WDFY4: variants seen among roughly 807,000 people sequenced by gnomAD.
WDFY4 encodes WDFY family member 4, also known as WD repeat- and FYVE domain-containing protein 4.
In WDFY4, 169 loss-of-function variants were observed where a neutral mutation model predicts 351.9. The observed-to-expected ratio is 0.48, with a 90% confidence interval of 0.42 to 0.55. The LOEUF is 0.55. Among genes scored for constraint, WDFY4 ranks in the 20% least tolerant of loss-of-function variants. The probability of loss-of-function intolerance (pLI) is 0.00; values close to 1 mark genes in which losing one functional copy is unlikely to be tolerated. For missense variants in WDFY4, 3,803 were observed against 3,935.6 expected (o/e 0.97, Z 0.90); for synonymous variants, 1,622 against 1,574.6 (o/e 1.03, Z -0.71).
At chr10:48,930,021 C>T (rs570600376) in intron 47 of WDFY4, among the ~76,000 whole-genome samples, 1 of 152,014 alleles carries the variant, frequency 6.6e-6, no homozygotes, top group Non-Finnish European at 1.5e-5. Flanking sequence ...ATCCCCCATT[C>T]TCCTCCCCCA....
chr10:48,924,155 C>A (rs1237070129), intron 47 of WDFY4, among the ~76,000 whole-genome samples: 5 of 152,212 alleles, frequency 3.3e-5, no homozygotes, highest in African/African-American at 1.2e-4. Flanking sequence ...GTCTGGGTCC[C>A]TAGGCAGCCC....
At chr10:48,700,413 T>C (rs1426275210) in intron 1 of WDFY4, among the ~76,000 whole-genome samples, 1 of 152,260 alleles carries the variant, frequency 6.6e-6, no homozygotes, top group Non-Finnish European at 1.5e-5. Context: ...TATCTCCTGA[T>C]TTCTCTGATC....
At chr10:48,893,275 C>G (rs1255003641) in intron 44 of WDFY4, among the ~76,000 whole-genome samples, 2 of 152,172 alleles carry the variant, frequency 1.3e-5, no homozygotes, top group Non-Finnish European at 2.9e-5. Context: ...TGGATTTGGA[C>G]CCATCCCAAT....
intron 1 of WDFY4, among the ~76,000 whole-genome samples, chr10:48,706,259 T>G (rs1267341575): frequency 6.6e-6 from 1 of 152,246 alleles, no homozygotes; most frequent in Admixed American, 6.5e-5. Context: ...TGCCAGCCCC[T>G]GCTATGGACA....
At chr10:48,727,732 T>C (rs1442895991) in intron 7 of WDFY4, 73 bp downstream of exon 7, 1 of 1,505,130 alleles carries the variant, frequency 6.6e-7, no homozygotes, top group Non-Finnish European at 8.9e-7. Flanking sequence ...ATTGGGGTGC[T>C]TTGCAGAAAA....
chr10:48,730,146 G>A (rs947014586), intron 8 of WDFY4, among the ~76,000 whole-genome samples: 9 of 152,254 alleles, frequency 5.9e-5, no homozygotes, highest in Admixed American at 2.0e-4. Context: ...ACCTCGAACA[G>A]AGGGCCTGCC....
intron 1 of WDFY4, among the ~76,000 whole-genome samples, chr10:48,698,957 G>T (rs763383803): frequency 6.6e-6 from 1 of 152,192 alleles, no homozygotes; most frequent in Non-Finnish European, 1.5e-5. Flanking sequence ...AAATCAGTCC[G>T]CTGGCAACTC....
rs554754053 is a variant in WDFY4 at position 48,913,178 on chromosome 10, C to T, written c.7586+11315C>T. Among the ~76,000 whole-genome samples, 3 of 152,248 alleles carry T rather than the reference C, an allele frequency of 2.0e-5. No homozygotes were observed. The East Asian group carries it at 5.8e-4, about 29-fold the overall frequency. ...GTGCCTGTACTTGTGAGTGTGTGTG[C>T]AGAGGACAGAGAAATGTGTGGAATG... On this transcript the variant is annotated intron_variant, in intron 47 of 61. Transcript: ENST00000325239.
At chr10:48,783,687 C>G (rs1192234459) in intron 19 of WDFY4, among the ~76,000 whole-genome samples, 1 of 152,090 alleles carries the variant, frequency 6.6e-6, no homozygotes. Flanking sequence ...AGTGTGGCCT[C>G]GAAGTATAGA....
intron 34 of WDFY4, among the ~76,000 whole-genome samples, chr10:48,822,095 A>C (rs2067843707): frequency 6.6e-6 from 1 of 152,194 alleles, no homozygotes; most frequent in Non-Finnish European, 1.5e-5. Context: ...TGTCTCAAGC[A>C]GCACATTCTC....
intron 39 of WDFY4, among the ~76,000 whole-genome samples, chr10:48,861,075 C>T (rs757097111): frequency 2.0e-5 from 3 of 152,030 alleles, no homozygotes; most frequent in Non-Finnish European, 4.4e-5. Context: ...GAGTGTATCT[C>T]TCTGTGTAGG....
intron 59 of WDFY4, 82 bp from the exon 60 acceptor site, chr10:48,978,227 G>T (rs1429069256): frequency 7.1e-7 from 1 of 1,410,162 alleles, no homozygotes; most frequent in Non-Finnish European, 9.6e-7. Context: ...GGACCCCTAG[G>T]CGTGAGGAAA....
chr10:48,823,113 C>A, intron 35 of WDFY4: 2 of 1,297,740 alleles, frequency 1.5e-6, no homozygotes, highest in Non-Finnish European at 2.0e-6. Context: ...TATGTGCATG[C>A]ATATACACAC....
chr10:48,887,646 G>T (rs139471863), intron 43 of WDFY4, among the ~76,000 whole-genome samples: 6 of 152,122 alleles, frequency 3.9e-5, no homozygotes, highest in Non-Finnish European at 7.4e-5. Flanking sequence ...GGGCGTGGTG[G>T]TGGGTGCCTG....
intron 43 of WDFY4, chr10:48,878,783 T>C (rs1296661713): frequency 2.0e-5 from 3 of 152,582 alleles, no homozygotes; most frequent in Admixed American, 6.5e-5. Flanking sequence ...GCACGCAGAG[T>C]GACCTCAGCG....
intron 47 of WDFY4, chr10:48,909,449 G>T (rs962440749): frequency 6.6e-6 from 1 of 151,942 alleles, no homozygotes; most frequent in Admixed American, 6.6e-5. Flanking sequence ...TAGTCCATTT[G>T]CATTGCTGTA....
chr10:48,740,605 G>T (rs113226703), intron 11 of WDFY4, among the ~76,000 whole-genome samples: 3,387 of 152,322 alleles, frequency 0.022, 136 homozygotes, highest in African/African-American at 0.077. Context: ...TGCTTTGAGG[G>T]TGTGTCTACA....
intron 2 of WDFY4, among the ~76,000 whole-genome samples, chr10:48,719,338 T>C (rs1012386586): frequency 1.3e-5 from 2 of 152,058 alleles, no homozygotes; most frequent in Non-Finnish European, 2.9e-5. Context: ...GCCATTGAGA[T>C]GAGATATTTT....
chr10:48,901,911 T>A, intron 47 of WDFY4, 48 bp downstream of exon 47: 2 of 1,508,238 alleles, frequency 1.3e-6, no homozygotes, highest in Non-Finnish European at 1.8e-6. Flanking sequence ...GCCCTGGCTT[T>A]GATGTTCCTC....
Sources: gnomAD v4.1 joint callset for allele counts (sites outside exome capture counted in the v4.1 genomes callset) on GRCh38, gnomAD v4.1.1 for gene constraint, MANE v1.5 for transcripts, NCBI Gene and HGNC (gene_info 2026-07-23, HGNC 2026-07-21) for gene names.